Variants in CD34 observed in about 807,000 individuals in gnomAD.
The protein encoded by CD34 is hematopoietic progenitor cell antigen CD34.
Under a neutral mutation model 40.1 loss-of-function variants are expected in CD34, and 34 were observed. The observed-to-expected ratio is 0.85, with a 90% CI of 0.65 to 1.13. The LOEUF (loss-of-function observed/expected upper bound fraction) is 1.13, where lower values mean the gene tolerates loss of function less well. Among genes scored for constraint, CD34 ranks in the 50% most tolerant of loss-of-function variants. The pLI is 0.00. For synonymous variants in CD34, 209 were observed against 190.0 expected, an observed-to-expected ratio of 1.10 and a Z score of -0.82; for missense variants, 426 against 466.9, an observed-to-expected ratio of 0.91 and a Z score of 0.81.
chr1:207,902,342 G>A (rs1262302568), intron 1 of CD34, among the ~76,000 whole-genome samples: 1 of 152,172 alleles, frequency 6.6e-6, no homozygotes, highest in Non-Finnish European at 1.5e-5. Flanking sequence ...CCAAAAAATC[G>A]GAATTTATTC....
At chr1:207,888,978 G>A in intron 6 of CD34, 132 bp from the exon 7 acceptor site, 1 of 1,005,542 alleles carries the variant, frequency 9.9e-7, no homozygotes, top group East Asian at 2.4e-5. Flanking sequence ...TTTTGAAATG[G>A]GATTTGAGAC....
rs1558115468 is a variant in CD34 at position 207,884,680 on chromosome 1, T to G, written c.*3058A>C. The stretch of plus-strand genomic sequence containing the variant: ...TGGTATTCCCATTTATCCATTCAGA[T>G]GAAAATCTGGCTGAAGATAATTCCA... On this transcript the variant is annotated 3_prime_UTR_variant, in exon 8 of 8. Transcript: ENST00000310833. The G allele has an allele frequency of 6.6e-6, 1 of 152,254 alleles. No homozygotes were observed. The highest frequency in any genetic ancestry group is 1.5e-5 in the Non-Finnish European group (1 of 68,060). The allele number at this position is 152,254 out of a possible 1,614,324, so 9.4% of individuals were successfully genotyped here.
At chr1:207,899,255 T>C (rs1662220324) in intron 2 of CD34, 29 bp from the exon 3 acceptor site, 5 of 1,610,512 alleles carry the variant, frequency 3.1e-6, no homozygotes, top group Middle Eastern at 1.7e-4. Flanking sequence ...TGGGTGTGCA[T>C]GTGTGCATGT....
rs1333850926 is a variant in CD34 at position 207,886,305 on chromosome 1, G to A, written c.*1433C>T. The A allele has an allele frequency of 2.0e-5, 3 of 152,126 alleles. No homozygotes were observed. Among genetic ancestry groups the A allele is most frequent in the Non-Finnish European group, 2.9e-5 (2 of 68,054 alleles). The allele number at this position is 152,126 out of a possible 1,614,324, so 9.4% of individuals were successfully genotyped here. A position where few individuals can be genotyped will look rare whatever the true frequency, so the allele number is the denominator to read the frequency against. ...CATTTGGAAGCTCCCTGGTACATTCGGGTCTGCCTTTCTACCACTGGAAAT... is the reference window on the plus strand; with the variant it reads ...CATTTGGAAGCTCCCTGGTACATTCAGGTCTGCCTTTCTACCACTGGAAAT... On this transcript the variant is annotated 3_prime_UTR_variant, in exon 8 of 8. Coordinates refer to ENST00000310833, the MANE Select transcript of CD34 (RefSeq NM_001025109.2).
rs1220636649 is a variant in CD34 at position 207,881,862 on chromosome 1, A to C, written c.*5876T>G. The C allele has an allele frequency of 6.6e-6, 1 of 152,306 alleles. No homozygotes were observed. The highest frequency in any genetic ancestry group is 1.5e-5 in the Non-Finnish European group (1 of 68,040). 9.4% of individuals were successfully genotyped at this position (152,306 alleles called of 1,614,324 possible). A position where few individuals can be genotyped will look rare whatever the true frequency, so the allele number is the denominator to read the frequency against. ...TTATTTTTAAACAAATTAATAAATA[A>C]AATTTTCTCAATTTTAATTTTTGAA... is the stretch of plus-strand genomic sequence containing the variant. On this transcript the variant is annotated 3_prime_UTR_variant, in exon 8 of 8. Coordinates refer to ENST00000310833, the MANE Select transcript of CD34 (RefSeq NM_001025109.2).
rs917239153 is a variant in CD34, at chr1:207,886,359, T to C, written c.*1379A>G. The C allele has an allele frequency of 2.0e-5, 3 of 152,120 alleles. No individual in the cohort carries two copies. Among genetic ancestry groups the C allele is most frequent in the African/African-American group, 7.2e-5 (3 of 41,402 alleles). 9.4% of individuals were successfully genotyped at this position (152,120 alleles called of 1,614,324 possible). On this transcript the variant is annotated 3_prime_UTR_variant, in exon 8 of 8. Transcript: ENST00000310833. ...TGTTTCCTCTCCCCATGGAGGAGAA[T>C]AGTTGGCAGACTTGGCTAAAGGTCC...
chr1:207,889,354 T>G (rs1290155315), intron 5 of CD34, 111 bp downstream of exon 5: 16 of 1,535,296 alleles, frequency 1.0e-5, no homozygotes, highest in Non-Finnish European at 1.3e-5. Flanking sequence ...GCCAAGTCCT[T>G]CTCCCCAGCA....
At chr1:207,907,671 T>G (rs2102307496) in intron 1 of CD34, among the ~76,000 whole-genome samples, 1 of 152,338 alleles carries the variant, frequency 6.6e-6, no homozygotes, top group Admixed American at 6.5e-5. Context: ...GAAGTACACC[T>G]TTATATGCAT....
chr1:207,882,751 C>T lies in CD34; in HGVS notation c.*4987G>A, dbSNP rs945604574. 6.6e-6 allele frequency: 1 copy of T among 152,232 alleles called. No individual in the cohort carries two copies. Among genetic ancestry groups the T allele is most frequent in the Non-Finnish European group, 1.5e-5 (1 of 68,058 alleles). 9.4% of individuals were successfully genotyped at this position (152,232 alleles called of 1,614,324 possible). ...CTCCTGGGACAAGGCTTCTTCCTCT[C>T]TCGGGAACACCCATATCTCTCCTTT... On this transcript the variant is annotated 3_prime_UTR_variant, in exon 8 of 8. Coordinates refer to ENST00000310833, the MANE Select transcript of CD34 (RefSeq NM_001025109.2).
At chr1:207,896,451 C>T (rs559387027) in intron 4 of CD34, among the ~76,000 whole-genome samples, 1 of 152,286 alleles carries the variant, frequency 6.6e-6, no homozygotes, top group Admixed American at 6.5e-5. Flanking sequence ...AGATAGCTTA[C>T]CTTAAAATTG....
chr1:207,898,911 C>T (rs1381812971), intron 3 of CD34, 62 bp downstream of exon 3: 1 of 1,568,290 alleles, frequency 6.4e-7, no homozygotes, highest in Non-Finnish European at 8.7e-7. Flanking sequence ...GGGAAAGAAA[C>T]AGCTTGCCTG....
chr1:207,889,544 C>A lies in CD34; in HGVS notation c.675G>T (p.Gly225=), dbSNP rs1246937804. 1 of 1,614,044 alleles carries A rather than the reference C, an allele frequency of 6.2e-7. No homozygotes were observed. The highest frequency in any genetic ancestry group is 8.5e-7 in the Non-Finnish European group (1 of 1,180,036). The change falls in exon 5 of 8, where the codon GGG becomes GGT. Residue 225 remains glycine, a synonymous_variant. Transcript: ENST00000310833. ...CAAGGAGCAGGGAGCATACCTGGGC[C>A]CCAGCATCAGCATCAGCCTGCTCCT... ...CGEEQADADA[G]AQVCSLLLAQ...
At chr1:207,898,099 T>C (rs1179089052) in intron 3 of CD34, among the ~76,000 whole-genome samples, 1 of 151,752 alleles carries the variant, frequency 6.6e-6, no homozygotes, top group Non-Finnish European at 1.5e-5. Flanking sequence ...AGGTTAGAGT[T>C]CAGTGGCATG....
At chr1:207,910,053 G>A (rs975085856) in intron 1 of CD34, among the ~76,000 whole-genome samples, 4 of 152,216 alleles carry the variant, frequency 2.6e-5, no homozygotes, top group Non-Finnish European at 5.9e-5. Context: ...AACCTTCCAA[G>A]TGCAAAGAGA....
At chr1:207,893,818 A>G (rs551266948) in intron 4 of CD34, among the ~76,000 whole-genome samples, 2 of 152,360 alleles carry the variant, frequency 1.3e-5, no homozygotes, top group Admixed American at 1.3e-4. Context: ...CACATGAAAG[A>G]GGCTCAACAT....
intron 4 of CD34, among the ~76,000 whole-genome samples, chr1:207,895,317 C>A (rs1422762829): frequency 1.3e-5 from 2 of 152,154 alleles, no homozygotes; most frequent in East Asian, 3.9e-4. Context: ...TAGCAGGAGG[C>A]TTTGCCGCAT....
Position 207,908,820 on chromosome 1 carries a change from G to A in CD34, c.79+2182C>T, listed in dbSNP as rs554111586. ...ACTTCTGGTTAGTTGCAGTGCCTAT[G>A]CACATGCCACCTTCTCAAAGGGACA... On this transcript the variant is annotated intron_variant, in intron 1 of 7. Transcript: ENST00000310833. Among the ~76,000 whole-genome samples the A allele has an allele frequency of 5.3e-5, 8 of 152,290 alleles. No homozygotes were observed. In the South Asian group the frequency reaches 1.7e-3, roughly 32 times the overall value.
intron 4 of CD34, among the ~76,000 whole-genome samples, chr1:207,893,427 C>T (rs1662076568): frequency 1.3e-5 from 2 of 152,046 alleles, no homozygotes; most frequent in Non-Finnish European, 2.9e-5. Context: ...GTGAGTTTGA[C>T]AATGCAGGTG....
chr1:207,894,920 T>G (rs1419324669), intron 4 of CD34, among the ~76,000 whole-genome samples: 1 of 152,194 alleles, frequency 6.6e-6, no homozygotes, highest in African/African-American at 2.4e-5. Context: ...ACTCACTATG[T>G]GTCAGTGCAG....
Sources: allele counts gnomAD v4.1 joint callset (sites outside exome capture counted in the v4.1 genomes callset), GRCh38; gene constraint gnomAD v4.1.1; transcripts MANE v1.5; gene names NCBI Gene and HGNC (gene_info 2026-07-23, HGNC 2026-07-21).